The following COL3A1 variants were observed in gnomAD, a reference collection of about 807,000 sequenced individuals.
COL3A1 encodes collagen alpha-1(III) chain.
Under a neutral mutation model 200.9 loss-of-function variants are expected in COL3A1, and 46 were observed. That is an observed-to-expected ratio of 0.23 (90% CI 0.18 to 0.29). The LOEUF is 0.29. COL3A1 is among the 10% of genes least tolerant of loss of function. The pLI, the probability that COL3A1 is intolerant of heterozygous loss-of-function variation, is 1.00. For synonymous variants in COL3A1, 650 were observed against 628.0 expected (o/e 1.03, Z -0.52); for missense variants, 1,367 against 1,917.6 (o/e 0.71, Z 5.36).
At chr2:188,983,154 T>A (rs569561611) in intron 1 of COL3A1, among the ~76,000 whole-genome samples, 3 of 151,960 alleles carry the variant, frequency 2.0e-5, no homozygotes, top group African/African-American at 7.2e-5. Context: ...ATATATCCCA[T>A]GTTCTCATAT....
intron 35 of COL3A1, 24 bp from the exon 36 acceptor site, chr2:189,002,931 G>A: frequency 6.8e-7 from 1 of 1,475,002 alleles, no homozygotes; most frequent in Non-Finnish European, 9.3e-7. Flanking sequence ...TCAGCTGAGA[G>A]ATTGCTGTTG....
At chr2:188,979,155 G>A (rs1687896209) in intron 1 of COL3A1, among the ~76,000 whole-genome samples, 1 of 151,912 alleles carries the variant, frequency 6.6e-6, no homozygotes, top group African/African-American at 2.4e-5. Flanking sequence ...TTGAATTCTA[G>A]TATTAAGAAA....
chr2:188,984,984 A>G lies in COL3A1; in HGVS notation c.282+22A>G, dbSNP rs1301870626. On this transcript the variant is annotated intron_variant, in intron 2 of 50. Coordinates refer to ENST00000304636, the MANE Select transcript of COL3A1 (RefSeq NM_000090.4). ...TGCTGTGAGTTTAAAGATAAACTGT[A>G]CATCTTCAATATTCATATTTAGACA... The G allele has an allele frequency of 1.9e-6, 3 of 1,602,318 alleles. No individual in the cohort carries two copies. In the South Asian group the frequency reaches 3.3e-5, roughly 18 times the overall value.
rs138961881 is a variant in COL3A1, at chr2:189,004,053, T to C, written c.2733T>C (p.Thr911=). Reference sequence around the variant, plus strand: ...GGCCCCCAGGTCCTGCGGGTAACACTGGTGCTCCTGGCAGCCCTGGAGTGT... The same window carrying C: ...GGCCCCCAGGTCCTGCGGGTAACACCGGTGCTCCTGGCAGCCCTGGAGTGT... ...KDGPPGPAGN[T]GAPGSPGVSG... is the part of the protein sequence containing the mutation. The change falls in exon 39 of 51, where the codon ACT becomes ACC. Residue 911 remains threonine, a synonymous_variant. Coordinates refer to ENST00000304636, the MANE Select transcript of COL3A1 (RefSeq NM_000090.4). 1.2e-5 allele frequency: 19 copies of C among 1,613,188 alleles called. No homozygotes were observed. In the African/African-American group the frequency reaches 2.3e-4, roughly 19 times the overall value.
At chr2:189,007,135 ATAT>A (rs1481455647) in intron 44 of COL3A1, 145 bp downstream of exon 44, 13 of 161,734 alleles carry the variant, frequency 8.0e-5, no homozygotes, top group African/African-American at 4.4e-4. Context: ...ATATATATAT[ATAT>A]ATTTGTTCTA....
chr2:188,999,970 T>G (rs1238774060), intron 32 of COL3A1, 75 bp downstream of exon 32: 18 of 1,463,014 alleles, frequency 1.2e-5, no homozygotes, highest in Non-Finnish European at 1.5e-5. Context: ...CAACTTTAAT[T>G]TTTTCCAAAA....
At chr2:188,979,205 G>A (rs1157526581) in intron 1 of COL3A1, among the ~76,000 whole-genome samples, 1 of 151,870 alleles carries the variant, frequency 6.6e-6, no homozygotes, top group Non-Finnish European at 1.5e-5. Context: ...TTCTGAAACT[G>A]TTTTTCTATA....
At chr2:189,006,118 A>T (rs1688580324) in intron 41 of COL3A1, 88 bp from the exon 42 acceptor site, 1 of 1,390,856 alleles carries the variant, frequency 7.2e-7, no homozygotes, top group Non-Finnish European at 1.0e-6. Flanking sequence ...CCCCCTTGAG[A>T]ATTATATTGC....
At chr2:188,999,976 C>A in intron 32 of COL3A1, 81 bp downstream of exon 32, 2 of 1,373,910 alleles carry the variant, frequency 1.5e-6, no homozygotes, top group Non-Finnish European at 2.0e-6. Context: ...TAATTTTTTC[C>A]AAAAACTACT....
At chr2:188,984,677 T>C (rs1688026019) in intron 1 of COL3A1, 83 bp from the exon 2 acceptor site, 4 of 1,201,178 alleles carry the variant, frequency 3.3e-6, no homozygotes, top group Non-Finnish European at 2.5e-6. Context: ...ACTTTGGCTA[T>C]TGTTAATAGT....
intron 32 of COL3A1, among the ~76,000 whole-genome samples, chr2:189,000,607 A>G (rs1037213628): frequency 5.9e-5 from 9 of 152,182 alleles, no homozygotes; most frequent in Non-Finnish European, 8.8e-5. Context: ...CTACATATAC[A>G]CACACATAAA....
chr2:188,991,092 A>G, intron 11 of COL3A1, 35 bp downstream of exon 11: 1 of 1,585,112 alleles, frequency 6.3e-7, no homozygotes, highest in Non-Finnish European at 8.7e-7. Flanking sequence ...TTCATAAGTA[A>G]ATTCATTAAA....
chr2:188,975,090 A>T (rs529943122), intron 1 of COL3A1, among the ~76,000 whole-genome samples: 1 of 152,226 alleles, frequency 6.6e-6, no homozygotes, highest in Non-Finnish European at 1.5e-5. Flanking sequence ...TGGCTACAAG[A>T]TACCTATAAA....
At chr2:189,000,484 G>A in intron 32 of COL3A1, among the ~76,000 whole-genome samples, 1 of 152,168 alleles carries the variant, frequency 6.6e-6, no homozygotes, top group East Asian at 1.9e-4. Context: ...AGAGAGAGAT[G>A]GATGTGGCTA....
At chr2:188,978,885 C>A (rs1368761829) in intron 1 of COL3A1, among the ~76,000 whole-genome samples, 1 of 151,636 alleles carries the variant, frequency 6.6e-6, no homozygotes, top group Non-Finnish European at 1.5e-5. Context: ...TTACATAAAT[C>A]ATTTGTGAAC....
rs1261508252 is a variant in COL3A1, at chr2:188,988,598, A to G, written c.591A>G (p.Pro197=). 1.9e-6 allele frequency: 3 copies of G among 1,604,430 alleles called. No individual in the cohort carries two copies. The highest frequency in any genetic ancestry group is 2.6e-6 in the Non-Finnish European group (3 of 1,172,058). The change falls in exon 7 of 51, where the codon CCA becomes CCG. Residue 197 remains proline, a synonymous_variant. Transcript: ENST00000304636. ...TSGHPGSPGS[P]GYQGPPGEPG... Reference sequence around the variant, plus strand: ...CATATTCTACTCACTAGGGATCTCCAGGATACCAAGGACCCCCTGGTGAAC... The same window carrying G: ...CATATTCTACTCACTAGGGATCTCCGGGATACCAAGGACCCCCTGGTGAAC...
Position 189,006,467 on chromosome 2 carries a change from G to A in COL3A1, c.3201+15G>A. ...GAGGAGAAAGTGTGAGTTCCCAAAA[G>A]CAGCATCTGTCTTGTTTGTCTATTT... On this transcript the variant is annotated intron_variant, in intron 43 of 50. Coordinates refer to ENST00000304636, the MANE Select transcript of COL3A1 (RefSeq NM_000090.4). 1 of 1,611,080 alleles carries A rather than the reference G, an allele frequency of 6.2e-7. No individual in the cohort carries two copies. Among genetic ancestry groups the A allele is most frequent in the Non-Finnish European group, 8.5e-7 (1 of 1,177,362 alleles).
chr2:188,978,032 G>A, intron 1 of COL3A1: 1 of 380,240 alleles, frequency 2.6e-6, no homozygotes. Context: ...TTTTTCTAGG[G>A]AAAGAAAAAT....
intron 48 of COL3A1, among the ~76,000 whole-genome samples, 182 bp from the exon 49 acceptor site, chr2:189,009,996 C>T (rs1688684965): frequency 6.6e-6 from 1 of 152,154 alleles, no homozygotes; most frequent in Admixed American, 6.6e-5. Context: ...TCAGTGCTTT[C>T]TGTAGTCATA....
Sources: allele counts gnomAD v4.1 joint callset (sites outside exome capture counted in the v4.1 genomes callset), GRCh38; gene constraint gnomAD v4.1.1; transcripts MANE v1.5; gene names NCBI Gene and HGNC (gene_info 2026-07-23, HGNC 2026-07-21).